The following FAT1 variants were observed in gnomAD, a reference collection of about 807,000 sequenced individuals.
FAT1 encodes the protein FAT atypical cadherin 1.
In FAT1, 171 loss-of-function variants were observed where a neutral mutation model predicts 329.8. The ratio of observed to expected loss-of-function variants is 0.52; its 90% CI spans 0.46 to 0.59. FAT1 has a LOEUF of 0.59. Ranked by LOEUF, FAT1 falls within the 20% of genes least tolerant of loss-of-function variation. FAT1 has a pLI of 0.00. For synonymous variants in FAT1, 2,233 were observed against 2,228.6 expected (o/e 1.00, Z -0.06); for missense variants, 5,672 against 5,774.4 (o/e 0.98, Z 0.57).
At position 186,628,556 on chromosome 4, in the gene FAT1, T is replaced by A. The variant is rs1740436666; in HGVS notation, c.4531A>T (p.Thr1511Ser). The change falls in exon 8 of 27, where the codon ACC becomes TCC. Residue 1511 changes from threonine (T) to serine (S), a missense_variant. Coordinates refer to ENST00000441802, the MANE Select transcript of FAT1 (RefSeq NM_005245.4). ...SLKKFRLDPA[T>S]GSLYTSEKLD... ...TTCTCAGAAGTATAGAGAGAGCCGG[T>A]TGCAGGATCAAGACGAAATTTCTTG... The A allele has an allele frequency of 1.2e-6, 2 of 1,613,912 alleles. No individual in the cohort carries two copies. The highest frequency in any genetic ancestry group is 2.7e-5 in the African/African-American group (2 of 74,930).
intron 17 of FAT1, among the ~76,000 whole-genome samples, chr4:186,605,824 G>C (rs1383462544): frequency 6.6e-6 from 1 of 152,042 alleles, no homozygotes; most frequent in Non-Finnish European, 1.5e-5. Context: ...GTCTGATTAA[G>C]CAATAAGCTC....
Position 186,619,094 on chromosome 4 carries a change from C to G in FAT1, c.7492G>C (p.Glu2498Gln), listed in dbSNP as rs772373219. The change falls in exon 10 of 27, where the codon GAA (glutamate) becomes CAA (glutamine). Residue 2498 changes from glutamate to glutamine, a missense_variant. Physicochemically the swap from Glu to Gln is conservative, Grantham distance 29 (BLOSUM62 2). Coordinates refer to ENST00000441802, the MANE Select transcript of FAT1 (RefSeq NM_005245.4). Reference protein sequence around the residue: ...HSPAFLQNEYEVELAENAPLH... With the variant: ...HSPAFLQNEYQVELAENAPLH... ...GGAGCGTTTTCAGCTAGTTCCACTT[C>G]ATATTCGTTCTGAAGGAAAGCAGGA... 1 of 1,614,008 alleles carries G rather than the reference C, an allele frequency of 6.2e-7. No homozygotes were observed. Among genetic ancestry groups the G allele is most frequent in the East Asian group, 2.2e-5 (1 of 44,870 alleles).
chr4:186,672,849 G>A (rs1052229775), intron 2 of FAT1, among the ~76,000 whole-genome samples: 1 of 152,110 alleles, frequency 6.6e-6, no homozygotes, highest in African/African-American at 2.4e-5. Flanking sequence ...AACACAACCT[G>A]CAAATTTCAC....
rs537544921 is a variant in FAT1 at position 186,703,927 on chromosome 4, G to A, written c.3265+2636C>T. ...ACAAAATATACTGATTTTTCCTAAA[G>A]GAGTTTCTACACTGTGATACCAATT... On this transcript the variant is annotated intron_variant, in intron 2 of 26. Transcript: ENST00000441802. 6.6e-5 allele frequency among the ~76,000 whole-genome samples: 10 copies of A among 152,316 alleles called. No individual in the cohort carries two copies. In the East Asian group the frequency reaches 1.9e-3, roughly 29 times the overall value.
intron 2 of FAT1, among the ~76,000 whole-genome samples, chr4:186,679,335 T>G (rs987543734): frequency 2.0e-5 from 3 of 146,586 alleles, no homozygotes; most frequent in African/African-American, 7.6e-5. Context: ...GAGAATGGCG[T>G]GAACCTGGGA....
intron 26 of FAT1, among the ~76,000 whole-genome samples, chr4:186,592,244 GAAA>G (rs1420980428): frequency 1.3e-5 from 2 of 151,580 alleles, no homozygotes; most frequent in East Asian, 2.0e-4. Context: ...AACCAAATAT[GAAA>G]ATATTCTTTT....
At chr4:186,617,372 G>A (rs1739763381) in intron 10 of FAT1, among the ~76,000 whole-genome samples, 171 bp from the exon 11 acceptor site, 1 of 152,178 alleles carries the variant, frequency 6.6e-6, no homozygotes, top group African/African-American at 2.4e-5. Flanking sequence ...AACAAGGGCA[G>A]CATTAAAATG....
rs1465668681 is a variant in FAT1 at position 186,706,818 on chromosome 4, T to C, written c.3010A>G (p.Lys1004Glu). Reference sequence around the variant, plus strand: ...AGAGAAACTGGCTTTCCCTTGTCTTTGGCCCTCACAGTGAGATTATACACT... The same window carrying C: ...AGAGAAACTGGCTTTCCCTTGTCTTCGGCCCTCACAGTGAGATTATACACT... Reference protein sequence around the residue: ...KQVYNLTVRAKDKGKPVSLSS... With the variant: ...KQVYNLTVRAEDKGKPVSLSS... Residue 1004 changes from lysine to glutamate, a missense_variant, in exon 2 of 27, where the codon AAA (lysine) becomes GAA (glutamate). By Grantham distance (56) the Lys-to-Glu change is moderately conservative (BLOSUM62 1). Transcript: ENST00000441802. The C allele has an allele frequency of 2.5e-6, 4 of 1,613,894 alleles. No individual in the cohort carries two copies. Among genetic ancestry groups the C allele is most frequent in the Non-Finnish European group, 3.4e-6 (4 of 1,179,902 alleles).
intron 9 of FAT1, among the ~76,000 whole-genome samples, chr4:186,623,846 G>C (rs1740165412): frequency 6.6e-6 from 1 of 152,134 alleles, no homozygotes; most frequent in Non-Finnish European, 1.5e-5. Context: ...CTCTTTATCG[G>C]CCATGCAAGA....
At chr4:186,639,883 C>T in intron 3 of FAT1, 100 bp from the exon 4 acceptor site, 1 of 1,008,006 alleles carries the variant, frequency 9.9e-7, no homozygotes, top group Non-Finnish European at 1.5e-6. Context: ...TAGCTCATGC[C>T]TTAATCCCAG....
rs2126489917 is a variant in FAT1 at position 186,617,982 on chromosome 4, C to T, written c.8604G>A (p.Trp2868Ter). ...ESFAINMETG[W>*]ITTLKELDHE... Reference sequence around the variant, plus strand: ...GGTCAAGTTCCTTTAAAGTTGTAATCCAGCCTGTTTCCATGTTAATGGCAA... The same window carrying T: ...GGTCAAGTTCCTTTAAAGTTGTAATTCAGCCTGTTTCCATGTTAATGGCAA... The change falls in exon 10 of 27, where the codon TGG becomes TGA. Residue 2868 changes from tryptophan to a stop codon, truncating the protein, a stop_gained. Transcript: ENST00000441802. LOFTEE classifies it high-confidence loss of function. The T allele has an allele frequency of 6.2e-7, 1 of 1,613,996 alleles. No homozygotes were observed. The highest frequency in any genetic ancestry group is 8.5e-7 in the Non-Finnish European group (1 of 1,179,892).
chr4:186,685,889 T>C (rs1405846577), intron 2 of FAT1, among the ~76,000 whole-genome samples: 2 of 152,204 alleles, frequency 1.3e-5, no homozygotes, highest in African/African-American at 4.8e-5. Flanking sequence ...ACACCGGTTG[T>C]GAGAATCTGT....
Position 186,621,468 on chromosome 4 carries a change from T to G in FAT1, c.5118A>C (p.Thr1706=), listed in dbSNP as rs539235113. ...GTGGATTAATATCAAAAGCATCACC[T>G]GTATTTCCATCTTTTATTTCATACA... is the stretch of plus-strand genomic sequence containing the variant. ...SVVYEIKDGN[T]GDAFDINPHS... is the part of the protein sequence containing the mutation. Residue 1706 remains threonine (T), a synonymous_variant, in exon 10 of 27, where the codon ACA becomes ACC. Transcript: ENST00000441802. 32 of 1,614,050 alleles carry G rather than the reference T, an allele frequency of 2.0e-5. No individual in the cohort carries two copies. The South Asian group carries it at 3.5e-4, about 18-fold the overall frequency.
chr4:186,636,166 T>C lies in FAT1; in HGVS notation c.4042A>G (p.Lys1348Glu). The C allele has an allele frequency of 6.2e-7, 1 of 1,614,004 alleles. No homozygotes were observed. The highest frequency in any genetic ancestry group is 8.5e-7 in the Non-Finnish European group (1 of 1,179,882). ...TTRLHIEWIS[K>E]PKPSLEPISF... is the part of the protein sequence containing the mutation. Reference sequence around the variant, plus strand: ...ATGGGCTCCAGGGACGGTTTGGGCTTGGAGATCCATTCAATATGGAGTCTG... The same window carrying C: ...ATGGGCTCCAGGGACGGTTTGGGCTCGGAGATCCATTCAATATGGAGTCTG... The change falls in exon 6 of 27, where the codon AAG becomes GAG. Residue 1348 changes from lysine to glutamate, a missense_variant. This residue lies in a region of FAT1 where 3,966 missense variants were observed against 3,915.2 expected (regional missense o/e 1.01). Coordinates refer to ENST00000441802, the MANE Select transcript of FAT1 (RefSeq NM_005245.4).
rs1391733526 is a variant in FAT1 at position 186,611,535 on chromosome 4, T to C, written c.9704A>G (p.Tyr3235Cys). Reference sequence around the variant, plus strand: ...AATGTCCTCAGACACGGTGGCACCATATTCACGGTACTCAAACACAGGGGG... The same window carrying C: ...AATGTCCTCAGACACGGTGGCACCACATTCACGGTACTCAAACACAGGGGG... The part of the protein sequence containing the change: ...DNPPVFEYRE[Y>C]GATVSEDILV... Residue 3235 changes from tyrosine to cysteine, a missense_variant, in exon 14 of 27, where the codon TAT becomes TGT. By Grantham distance (194) the Tyr-to-Cys change is radical. Coordinates refer to ENST00000441802, the MANE Select transcript of FAT1 (RefSeq NM_005245.4). 4.3e-6 allele frequency: 7 copies of C among 1,613,950 alleles called. No homozygotes were observed. In the Admixed American group the frequency reaches 1.0e-4, roughly 23 times the overall value.
chr4:186,595,915 C>A, intron 25 of FAT1, 89 bp from the exon 26 acceptor site: 2 of 1,345,298 alleles, frequency 1.5e-6, no homozygotes, highest in Non-Finnish European at 2.1e-6. Context: ...CATTACCCAA[C>A]GATGGCCTGA....
chr4:186,595,880 C>T lies in FAT1; in HGVS notation c.13001-54G>A. On this transcript the variant is annotated intron_variant, in intron 25 of 26. Coordinates refer to ENST00000441802, the MANE Select transcript of FAT1 (RefSeq NM_005245.4). ...ATATGGGCCAAGACGGTTTTGTTCA[C>T]CGCTGAATCCTGAGACACACCATGC... 2.5e-6 allele frequency: 4 copies of T among 1,593,478 alleles called. 1 individual carries two copies. The South Asian group carries it at 4.4e-5, about 18-fold the overall frequency.
chr4:186,593,153 C>T (rs1381695433), intron 26 of FAT1, among the ~76,000 whole-genome samples: 1 of 152,164 alleles, frequency 6.6e-6, no homozygotes, highest in Non-Finnish European at 1.5e-5. Flanking sequence ...CTTAATCACT[C>T]ACACATTGTC....
At chr4:186,646,425 T>C (rs1023618388) in intron 3 of FAT1, among the ~76,000 whole-genome samples, 3 of 152,208 alleles carry the variant, frequency 2.0e-5, no homozygotes, top group Admixed American at 6.5e-5. Context: ...TCTGTGATGA[T>C]TTGTGTGTTC....
Sources: gnomAD v4.1 joint callset for allele counts (sites outside exome capture counted in the v4.1 genomes callset) on GRCh38, gnomAD v4.1.1 for gene constraint, gnomAD v4.1.1 regional missense constraint, MANE v1.5 for transcripts, NCBI Gene and HGNC (gene_info 2026-07-23, HGNC 2026-07-21) for gene names.